DOCK3: variants seen among roughly 807,000 people sequenced by gnomAD.
DOCK3 encodes dedicator of cytokinesis 3, also known as dedicator of cytokinesis protein 3.
In DOCK3, 60 loss-of-function variants were observed where a neutral mutation model predicts 265.6. The observed-to-expected ratio is 0.23, with a 90% CI of 0.18 to 0.28. The LOEUF is 0.28. DOCK3 is among the 10% of genes least tolerant of loss of function. DOCK3 has a pLI of 1.00. For synonymous variants in DOCK3, 881 were observed against 938.0 expected (o/e 0.94, Z 1.11); for missense variants, 1,981 against 2,594.3 (o/e 0.76, Z 5.14).
chr3:51,274,975 A>G, intron 24 of DOCK3, 104 bp from the exon 25 acceptor site: 1 of 1,454,990 alleles, frequency 6.9e-7, no homozygotes, highest in Non-Finnish European at 9.6e-7. Flanking sequence ...TCTAGTCTGA[A>G]CCCCACCTGC....
At chr3:50,860,756 C>A (rs537724980) in intron 3 of DOCK3, among the ~76,000 whole-genome samples, 2 of 152,338 alleles carry the variant, frequency 1.3e-5, no homozygotes, top group East Asian at 3.9e-4. Context: ...CTGGGAGCTC[C>A]TTCTTAGGGA....
At chr3:51,185,915 CT>C (rs1170469256) in intron 12 of DOCK3, among the ~76,000 whole-genome samples, 2 of 152,148 alleles carry the variant, frequency 1.3e-5, no homozygotes, top group Non-Finnish European at 2.9e-5. Context: ...AGTTAAACCT[CT>C]TTGTTTTGTA....
intron 1 of DOCK3, among the ~76,000 whole-genome samples, chr3:50,691,322 C>T (rs1160655363): frequency 2.0e-5 from 3 of 151,676 alleles, no homozygotes; most frequent in Admixed American, 6.6e-5. Flanking sequence ...AATGTTTGTC[C>T]TTTTGTGTCT....
At chr3:50,923,222 T>C (rs184933962) in intron 4 of DOCK3, among the ~76,000 whole-genome samples, 3 of 152,322 alleles carry the variant, frequency 2.0e-5, no homozygotes, top group African/African-American at 7.2e-5. Context: ...TGTGCTCCTA[T>C]AGACATGTGT....
intron 1 of DOCK3, among the ~76,000 whole-genome samples, chr3:50,722,769 G>GGTT: frequency 7.4e-6 from 1 of 135,108 alleles, no homozygotes; most frequent in East Asian, 2.1e-4. Flanking sequence ...TCTTTTTCTT[G>GGTT]TTTTTTTTTT....
intron 5 of DOCK3, among the ~76,000 whole-genome samples, chr3:50,982,700 C>G (rs556009448): frequency 1.3e-3 from 199 of 152,318 alleles, no homozygotes; most frequent in Non-Finnish European, 2.3e-3. Context: ...GGAGCTCCAC[C>G]AGAGCCCACT....
chr3:51,058,077 G>A (rs1191680165), intron 5 of DOCK3, among the ~76,000 whole-genome samples: 1 of 152,138 alleles, frequency 6.6e-6, no homozygotes, highest in Non-Finnish European at 1.5e-5. Context: ...GGTAGGGGCT[G>A]TAGTCCTTTG....
intron 1 of DOCK3, among the ~76,000 whole-genome samples, chr3:50,689,242 G>C (rs140230282): frequency 6.6e-6 from 1 of 152,220 alleles, no homozygotes; most frequent in South Asian, 2.1e-4. Context: ...GCTTCACCTC[G>C]GATCATCAGT....
chr3:51,350,041 G>T (rs2085870463), intron 39 of DOCK3, among the ~76,000 whole-genome samples: 2 of 152,236 alleles, frequency 1.3e-5, no homozygotes, highest in Non-Finnish European at 2.9e-5. Flanking sequence ...ATTCACAGCA[G>T]CTGCACGTGG....
chr3:50,877,453 A>G (rs1350111877), intron 3 of DOCK3: 1 of 519,948 alleles, frequency 1.9e-6, no homozygotes, highest in South Asian at 1.4e-5. Flanking sequence ...CACCACTTAT[A>G]AGGCTGAGCC....
intron 4 of DOCK3, among the ~76,000 whole-genome samples, chr3:50,898,183 G>A (rs1327593128): frequency 1.4e-4 from 21 of 149,064 alleles, no homozygotes; most frequent in Admixed American, 4.1e-4. Context: ...TCAGGGATTC[G>A]ACTTCTTCCT....
In DOCK3 at chr3:51,375,822, T is replaced by G. The variant is rs1336549935; in HGVS notation, c.5487T>G (p.Ser1829=). The G allele has an allele frequency of 6.2e-7, 1 of 1,614,032 alleles. No homozygotes were observed. Among genetic ancestry groups the G allele is most frequent in the Non-Finnish European group, 8.5e-7 (1 of 1,179,880 alleles). The change falls in exon 51 of 53, where the codon TCT becomes TCG. Residue 1829 remains serine (S), a synonymous_variant. Coordinates refer to ENST00000266037, the MANE Select transcript of DOCK3 (RefSeq NM_004947.5). The part of the protein sequence containing the change: ...ACKPCSDPNL[S]VAEKGHYSLH... ...AACCCTGCAGTGATCCCAATCTGTC[T>G]GTGGCTGAAAAAGGTATTGTTGCCC...
intron 5 of DOCK3, among the ~76,000 whole-genome samples, chr3:51,060,968 T>G (rs1033583641): frequency 2.6e-5 from 4 of 152,166 alleles, no homozygotes; most frequent in Non-Finnish European, 4.4e-5. Flanking sequence ...AAAATGCTCT[T>G]CATCACTGGC....
chr3:50,875,281 C>A (rs971264465), intron 3 of DOCK3, among the ~76,000 whole-genome samples: 20 of 151,928 alleles, frequency 1.3e-4, no homozygotes, highest in Admixed American at 1.3e-3. Flanking sequence ...GTTTGGGTAC[C>A]CTTTCACTTG....
chr3:51,261,919 G>A (rs1157808411), intron 23 of DOCK3, among the ~76,000 whole-genome samples: 1 of 152,200 alleles, frequency 6.6e-6, no homozygotes, highest in Admixed American at 6.5e-5. Flanking sequence ...CCCAGTCAGG[G>A]GCTTCTAGAT....
intron 35 of DOCK3, among the ~76,000 whole-genome samples, chr3:51,334,245 A>C (rs2084718818): frequency 6.6e-6 from 1 of 152,202 alleles, no homozygotes; most frequent in South Asian, 2.1e-4. Context: ...AGCCTTAATC[A>C]TTCTCTCAGC....
intron 12 of DOCK3, among the ~76,000 whole-genome samples, chr3:51,176,871 C>CTT (rs537705144): frequency 1.3e-3 from 194 of 152,296 alleles, no homozygotes; most frequent in African/African-American, 4.5e-3. Flanking sequence ...TGCATGCCAT[C>CTT]TAAAATGGTT....
At chr3:51,236,520 G>T (rs2078356408) in intron 20 of DOCK3, 92 bp downstream of exon 20, 1 of 1,141,034 alleles carries the variant, frequency 8.8e-7, no homozygotes, top group Non-Finnish European at 1.3e-6. Context: ...GAGTGAATCA[G>T]CACAAGATAT....
At chr3:51,011,647 C>G (rs768187233) in intron 5 of DOCK3, among the ~76,000 whole-genome samples, 6 of 152,178 alleles carry the variant, frequency 3.9e-5, no homozygotes, top group Non-Finnish European at 7.3e-5. Flanking sequence ...CTCTATCCAG[C>G]TTTGTTGCAT....
Sources: gnomAD v4.1 joint callset for allele counts (sites outside exome capture counted in the v4.1 genomes callset) on GRCh38, gnomAD v4.1.1 for gene constraint, MANE v1.5 for transcripts, NCBI Gene and HGNC (gene_info 2026-07-23, HGNC 2026-07-21) for gene names.